OR11A1: variants seen among roughly 807,000 people sequenced by gnomAD.
OR11A1 encodes olfactory receptor family 11 subfamily A member 1.
For missense variants in OR11A1, 380 were observed against 378.2 expected (o/e 1.00, Z -0.04); for synonymous variants, 158 against 152.2 (o/e 1.04, Z -0.28).
intron 1 of OR11A1, among the ~76,000 whole-genome samples, chr6:29,452,314 C>A (rs897564692): frequency 6.6e-6 from 1 of 151,810 alleles, no homozygotes; most frequent in African/African-American, 2.4e-5. Context: ...TGCACCTGTG[C>A]CCCTTGAAAC....
chr6:29,426,961 C>T lies in OR11A1; in HGVS notation c.681G>A (p.Leu227=). The stretch of plus-strand genomic sequence containing the variant: ...TCCTGCTTGCCCCAGCAGGAACTCT[C>T]AGCACTGCCACCACAATTCTGGCAT... ...TSYARIVVAV[L]RVPAGASRRR... The change falls in exon 5 of 5, where the codon CTG becomes CTA. Residue 227 remains leucine, a synonymous_variant. Coordinates refer to ENST00000377149, the MANE Select transcript of OR11A1 (RefSeq NM_001394828.1). 6.2e-7 allele frequency: 1 copy of T among 1,613,040 alleles called. No homozygotes were observed. The highest frequency in any genetic ancestry group is 8.5e-7 in the Non-Finnish European group (1 of 1,180,036).
chr6:29,429,008 A>G, intron 3 of OR11A1, 48 bp from the exon 4 acceptor site: 1 of 628,398 alleles, frequency 1.6e-6, no homozygotes. Flanking sequence ...AACAGTTGAG[A>G]AAGGTAGAGA....
chr6:29,445,396 G>A (rs1414434257), intron 1 of OR11A1, among the ~76,000 whole-genome samples: 1 of 152,192 alleles, frequency 6.6e-6, no homozygotes, highest in Non-Finnish European at 1.5e-5. Context: ...AGGGAAGGGA[G>A]AAGGAGAGAA....
chr6:29,440,842 T>A (rs1317117014), intron 1 of OR11A1: 1 of 1,613,712 alleles, frequency 6.2e-7, no homozygotes, highest in Non-Finnish European at 8.5e-7. Context: ...GTGTCCCTCT[T>A]CTATGCTGTG....
rs368929067 is a variant in OR11A1 at position 29,440,255 on chromosome 6, A to C, written c.-388-8268T>G. 9.3e-6 allele frequency: 15 copies of C among 1,613,710 alleles called. No individual in the cohort carries two copies. In the African/African-American group the frequency reaches 1.9e-4, roughly 20 times the overall value. On this transcript the variant is annotated intron_variant, in intron 1 of 4. Transcript: ENST00000377149. ...ATACGTCTGTCACGGTCCCCCTGCT[A>C]CTTCACCACCTCCTTACTGGCCGGC... is the stretch of plus-strand genomic sequence containing the variant.
Position 29,426,986 on chromosome 6 carries a change from T to C in OR11A1, c.656A>G (p.Tyr219Cys), listed in dbSNP as rs776217335. The C allele has an allele frequency of 6.2e-7, 1 of 1,612,838 alleles. No homozygotes were observed. Among genetic ancestry groups the C allele is most frequent in the African/African-American group, 1.3e-5 (1 of 74,910 alleles). The change falls in exon 5 of 5, where the codon TAT becomes TGT. Residue 219 changes from tyrosine to cysteine, a missense_variant. Transcript: ENST00000377149. The stretch of plus-strand genomic sequence containing the variant: ...CAGCACTGCCACCACAATTCTGGCA[T>C]AAGATGTCAGAATCAGTCCAAAAGG... Reference protein sequence around the residue: ...TIPFGLILTSYARIVVAVLRV... With the variant: ...TIPFGLILTSCARIVVAVLRV...
intron 1 of OR11A1, among the ~76,000 whole-genome samples, chr6:29,441,761 G>A (rs1460023200): frequency 6.6e-6 from 1 of 151,974 alleles, no homozygotes; most frequent in Non-Finnish European, 1.5e-5. Context: ...ATTATGTCCT[G>A]GTATCTGTTG....
intron 1 of OR11A1, among the ~76,000 whole-genome samples, chr6:29,444,047 C>G (rs950796006): frequency 6.6e-6 from 1 of 152,014 alleles, no homozygotes; most frequent in African/African-American, 2.4e-5. Context: ...TATGTCCCCA[C>G]CCAAATCTCA....
chr6:29,455,444 G>A (rs1335586301), intron 1 of OR11A1, among the ~76,000 whole-genome samples: 1 of 152,174 alleles, frequency 6.6e-6, no homozygotes, highest in Non-Finnish European at 1.5e-5. Context: ...ACTACTGTGA[G>A]ATTAATAAGT....
At chr6:29,433,108 T>C (rs890962612) in intron 1 of OR11A1, among the ~76,000 whole-genome samples, 1 of 152,206 alleles carries the variant, frequency 6.6e-6, no homozygotes, top group East Asian at 1.9e-4. Flanking sequence ...CATGATGTTT[T>C]GACATATGTA....
chr6:29,445,929 T>C (rs949974397), intron 1 of OR11A1, among the ~76,000 whole-genome samples: 5 of 151,970 alleles, frequency 3.3e-5, no homozygotes, highest in Non-Finnish European at 5.9e-5. Context: ...CTCAGGTACA[T>C]CAGGGCCACC....
intron 1 of OR11A1, among the ~76,000 whole-genome samples, chr6:29,443,198 A>ATTCCTTTTCATTTC (rs1784382117): frequency 6.6e-6 from 1 of 152,170 alleles, no homozygotes; most frequent in African/African-American, 2.4e-5. Flanking sequence ...TGTATGCACC[A>ATTCCTTTTCATTTC]TGACATTATA....
chr6:29,427,420 G>T lies in OR11A1; in HGVS notation c.222C>A (p.Leu74=), dbSNP rs751290592. 1 of 1,613,144 alleles carries T rather than the reference G, an allele frequency of 6.2e-7. No individual in the cohort carries two copies. Residue 74 remains leucine (L), a synonymous_variant, in exon 5 of 5, where the codon CTC becomes CTA. Transcript: ENST00000377149. ...FLANLSFLDI[L]YTSAVMPKML... is the part of the protein sequence containing the mutation. The stretch of plus-strand genomic sequence containing the variant: ...TTTTTGGCATCACTGCGGAGGTGTA[G>T]AGAATATCCAGGAAGGACAGATTCG...
At position 29,453,803 on chromosome 6, in the gene OR11A1, C is replaced by A. The variant is rs1328469763; in HGVS notation, c.-389+3184G>T. Among the ~76,000 whole-genome samples, 1 of 152,152 alleles carries A rather than the reference C, an allele frequency of 6.6e-6. No individual in the cohort carries two copies. Among genetic ancestry groups the A allele is most frequent in the Non-Finnish European group, 1.5e-5 (1 of 68,014 alleles). On this transcript the variant is annotated intron_variant, in intron 1 of 4. Coordinates refer to ENST00000377149, the MANE Select transcript of OR11A1 (RefSeq NM_001394828.1). This position sits in a 1 kb window ranked among gnomAD's most constrained non-coding sequence, Gnocchi z 4.5. ...AGCATGAAGTAAAATCCAAGACAAACTTAAAAGCTCTCTGAATTTGAATAT... is the reference window on the plus strand; with the variant it reads ...AGCATGAAGTAAAATCCAAGACAAAATTAAAAGCTCTCTGAATTTGAATAT...
chr6:29,426,123 T>TA lies in OR11A1; in HGVS notation c.*570dup, dbSNP rs950242721. ...TTTTAAATGTCATACAACAATAATA[T>TA]AAAAAACAATATTTCTAGGTTTATT... is the stretch of plus-strand genomic sequence containing the variant. On this transcript the variant is annotated 3_prime_UTR_variant, in exon 5 of 5. Transcript: ENST00000377149. 3.3e-5 allele frequency: 5 copies of TA among 152,604 alleles called. No individual in the cohort carries two copies. The highest frequency in any genetic ancestry group is 7.4e-5 in the Non-Finnish European group (5 of 68,020). The allele number at this position is 152,604 out of a possible 1,614,324, so 9.5% of individuals were successfully genotyped here. A position where few individuals can be genotyped will look rare whatever the true frequency, so the allele number is the denominator to read the frequency against.
chr6:29,438,935 C>G (rs1308426422), intron 1 of OR11A1, among the ~76,000 whole-genome samples: 2 of 152,154 alleles, frequency 1.3e-5, no homozygotes, highest in Non-Finnish European at 2.9e-5. Flanking sequence ...ACTGAAAGAG[C>G]CCCCAGAGGA....
rs901138873 is a variant in OR11A1 at position 29,453,364 on chromosome 6, G to A, written c.-389+3623C>T. On this transcript the variant is annotated intron_variant, in intron 1 of 4. Transcript: ENST00000377149. This position sits in a 1 kb window ranked among gnomAD's most constrained non-coding sequence, Gnocchi z 4.5. ...AATAAACCAAGGCAAATAATAAATT[G>A]AGAACCACTTTTTCATAAAGCAGTG... Among the ~76,000 whole-genome samples, 36 of 152,014 alleles carry A rather than the reference G, an allele frequency of 2.4e-4. No individual in the cohort carries two copies. The highest frequency in any genetic ancestry group is 4.7e-4 in the Non-Finnish European group (32 of 67,960).
At chr6:29,431,786 G>T in intron 2 of OR11A1, 78 bp downstream of exon 2, 1 of 803,864 alleles carries the variant, frequency 1.2e-6, no homozygotes, top group Non-Finnish European at 1.5e-6. Flanking sequence ...AGGATAAACA[G>T]CTATAAAAAC....
intron 1 of OR11A1, among the ~76,000 whole-genome samples, chr6:29,435,796 ATAT>A (rs1222968138): frequency 1.3e-5 from 2 of 152,242 alleles, no homozygotes; most frequent in Non-Finnish European, 2.9e-5. Context: ...TTAGAAGTAA[ATAT>A]TATCCAGGGC....
Sources: allele counts gnomAD v4.1 joint callset (sites outside exome capture counted in the v4.1 genomes callset), GRCh38; gene constraint gnomAD v4.1.1; non-coding constraint Gnocchi (gnomAD v3.1); transcripts MANE v1.5; gene names NCBI Gene and HGNC (gene_info 2026-07-23, HGNC 2026-07-21).